The following DENND1B variants were observed in gnomAD, a reference collection of about 807,000 sequenced individuals.
The protein encoded by DENND1B is DENN domain-containing protein 1B.
In DENND1B, 59 loss-of-function variants were observed where a neutral mutation model predicts 90.1. The ratio of observed to expected loss-of-function variants is 0.65; its 90% CI spans 0.53 to 0.81. The LOEUF is 0.81. Among genes scored for constraint, DENND1B ranks in the 40% least tolerant of loss-of-function variants. The probability of loss-of-function intolerance (pLI) is 0.00; values close to 1 mark genes in which losing one functional copy is unlikely to be tolerated. For synonymous variants in DENND1B, 337 were observed against 324.6 expected, an observed-to-expected ratio of 1.04 and a Z score of -0.41; for missense variants, 862 against 912.6, an observed-to-expected ratio of 0.94 and a Z score of 0.71.
chr1:197,513,174 A>T (rs1015251966), intron 20 of DENND1B, among the ~76,000 whole-genome samples: 7 of 7,388 alleles, frequency 9.5e-4, no homozygotes, highest in African/African-American at 9.7e-4. Context: ...AAACCAATAA[A>T]AAAAAAAAAA....
rs202173941 is a variant in DENND1B, at chr1:197,595,326, G to A, written c.929C>T (p.Ala310Val). ...CTGCTTCTTCAGTTTATTTTTCAAG[G>A]CCGAGACCTGCATGACAGAGAGGAA... ...LNNLPSDVVS[A>V]LKNKLKKQST... The change falls in exon 14 of 23, where the codon GCC becomes GTC. Residue 310 changes from alanine (A) to valine (V), a missense_variant. Physicochemically the swap from Ala to Val is moderately conservative, Grantham distance 64. Coordinates refer to ENST00000620048, the MANE Select transcript of DENND1B (RefSeq NM_001195215.2). 139 of 1,612,202 alleles carry A rather than the reference G, an allele frequency of 8.6e-5. No homozygotes were observed. Among genetic ancestry groups the A allele is most frequent in the Non-Finnish European group, 1.2e-5 (14 of 1,178,936 alleles).
chr1:197,656,503 T>C (rs931820520), intron 6 of DENND1B, among the ~76,000 whole-genome samples: 2 of 152,194 alleles, frequency 1.3e-5, no homozygotes, highest in Admixed American at 6.5e-5. Context: ...ATAGCTAATA[T>C]TTTAGTAAAT....
intron 2 of DENND1B, among the ~76,000 whole-genome samples, chr1:197,767,788 G>T (rs569151033): frequency 6.6e-6 from 1 of 152,192 alleles, no homozygotes; most frequent in East Asian, 1.9e-4. Context: ...AATTATATTG[G>T]ATTCATTAAT....
chr1:197,637,857 A>T (rs6688985), intron 10 of DENND1B, among the ~76,000 whole-genome samples: 7,454 of 152,266 alleles, frequency 0.049, 626 homozygotes, highest in African/African-American at 0.17. Context: ...ATACACTTTA[A>T]TAACCTTAAC....
At chr1:197,741,234 A>G (rs1203437459) in intron 2 of DENND1B, among the ~76,000 whole-genome samples, 1 of 152,170 alleles carries the variant, frequency 6.6e-6, no homozygotes, top group Non-Finnish European at 1.5e-5. Flanking sequence ...CTGAAGCAGT[A>G]GTACTTCTGA....
At chr1:197,734,784 G>A (rs1662483617) in intron 2 of DENND1B, 1 of 983,156 alleles carries the variant, frequency 1.0e-6, no homozygotes, top group African/African-American at 1.8e-5. Flanking sequence ...CAAATTTTAG[G>A]AGAAACATAA....
intron 10 of DENND1B, 133 bp downstream of exon 10, chr1:197,642,578 A>T (rs563533820): frequency 1.5e-4 from 81 of 551,636 alleles, no homozygotes; most frequent in Non-Finnish European, 1.9e-4. Context: ...GCCAGATTAA[A>T]ACCATACATC....
At chr1:197,675,397 T>C (rs925822788) in intron 3 of DENND1B, among the ~76,000 whole-genome samples, 1 of 152,032 alleles carries the variant, frequency 6.6e-6, no homozygotes, top group Non-Finnish European at 1.5e-5. Context: ...CTAAGAAAGC[T>C]TCAGTGCCTT....
chr1:197,775,052 AGCGCGGAG>A, intron 1 of DENND1B, 79 bp downstream of exon 1: 1 of 960,066 alleles, frequency 1.0e-6, no homozygotes. Context: ...GAGCCGGTTG[AGCGCGGAG>A]GCGCGGAGGA....
intron 2 of DENND1B, among the ~76,000 whole-genome samples, chr1:197,745,085 G>A (rs538176383): frequency 1.3e-5 from 2 of 152,314 alleles, no homozygotes; most frequent in African/African-American, 2.4e-5. Flanking sequence ...AAGCAATGTT[G>A]TGGATGGTTT....
rs1212108462 is a variant in DENND1B, at chr1:197,508,774, A to T, written c.*1686T>A. 6.6e-6 allele frequency: 1 copy of T among 151,750 alleles called. No individual in the cohort carries two copies. Among genetic ancestry groups the T allele is most frequent in the Non-Finnish European group, 1.5e-5 (1 of 67,820 alleles). 9.4% of individuals were successfully genotyped at this position (151,750 alleles called of 1,614,324 possible). ...TGGATATACTGAAAATGCTAATAAC[A>T]ATTTAACCATACTATCACTGCTTTT... On this transcript the variant is annotated 3_prime_UTR_variant, in exon 23 of 23. Coordinates refer to ENST00000620048, the MANE Select transcript of DENND1B (RefSeq NM_001195215.2).
intron 10 of DENND1B, among the ~76,000 whole-genome samples, chr1:197,638,077 A>G (rs758898770): frequency 6.6e-6 from 1 of 152,224 alleles, no homozygotes; most frequent in African/African-American, 2.4e-5. Context: ...ATCTATATTT[A>G]ATAGCTGATT....
chr1:197,597,669 C>T (rs1243998481), intron 13 of DENND1B, among the ~76,000 whole-genome samples: 1 of 151,770 alleles, frequency 6.6e-6, no homozygotes, highest in Non-Finnish European at 1.5e-5. Flanking sequence ...GAGTATTAAA[C>T]ACAATGCCAC....
intron 3 of DENND1B, among the ~76,000 whole-genome samples, chr1:197,682,021 A>G (rs951659096): frequency 1.3e-5 from 2 of 151,148 alleles, no homozygotes; most frequent in Non-Finnish European, 2.9e-5. Flanking sequence ...AACTATCCCT[A>G]AACTGCTTGT....
chr1:197,585,971 T>A (rs1460511843), intron 14 of DENND1B, among the ~76,000 whole-genome samples: 1 of 152,220 alleles, frequency 6.6e-6, no homozygotes, highest in Non-Finnish European at 1.5e-5. Context: ...GTTCATGTGG[T>A]TAACTACATT....
Position 197,735,910 on chromosome 1 carries a change from CCAAG to C in DENND1B, c.83-20840_83-20837del, listed in dbSNP as rs945569863. On this transcript the variant is annotated intron_variant, in intron 2 of 22. Coordinates refer to ENST00000620048, the MANE Select transcript of DENND1B (RefSeq NM_001195215.2). ...GGTGCCTCTCCTGCTGATATAATGG[CCAAG>C]AGGAATCAGAAACCTGAAGTTAGAA... The C allele has an allele frequency of 3.3e-6, 5 of 1,522,994 alleles. No individual in the cohort carries two copies. In the African/African-American group the frequency reaches 6.9e-5, roughly 21 times the overall value. 94.3% of individuals were successfully genotyped at this position (1,522,994 alleles called of 1,614,324 possible).
chr1:197,680,122 C>G (rs1439165547), intron 3 of DENND1B, among the ~76,000 whole-genome samples: 4 of 151,938 alleles, frequency 2.6e-5, no homozygotes. Flanking sequence ...TGACAGGGAC[C>G]CTCTCTCTTA....
intron 20 of DENND1B, among the ~76,000 whole-genome samples, chr1:197,521,315 T>A (rs1668759148): frequency 6.6e-6 from 1 of 152,010 alleles, no homozygotes; most frequent in Non-Finnish European, 1.5e-5. Flanking sequence ...CTGTTAACCT[T>A]GCAGTTACCA....
At chr1:197,751,264 T>C (rs1240209802) in intron 2 of DENND1B, among the ~76,000 whole-genome samples, 1 of 152,118 alleles carries the variant, frequency 6.6e-6, no homozygotes, top group Non-Finnish European at 1.5e-5. Flanking sequence ...GAAAAATAAC[T>C]AATAAAAATA....
Sources: allele counts gnomAD v4.1 joint callset (sites outside exome capture counted in the v4.1 genomes callset), GRCh38; gene constraint gnomAD v4.1.1; transcripts MANE v1.5; gene names NCBI Gene and HGNC (gene_info 2026-07-23, HGNC 2026-07-21).